Variants in KIF1B observed in about 807,000 individuals in gnomAD.
KIF1B encodes kinesin-like protein KIF1B.
KIF1B carries 76 observed loss-of-function variants against 241.9 expected under a neutral mutation model. The ratio of observed to expected loss-of-function variants is 0.31; its 90% CI spans 0.26 to 0.38. The LOEUF is 0.38. Ranked by LOEUF, KIF1B falls within the 10% of genes least tolerant of loss-of-function variation. The pLI is 1.00. For missense variants in KIF1B, 1,622 were observed against 2,271.4 expected (o/e 0.71, Z 5.81); for synonymous variants, 750 against 796.7 (o/e 0.94, Z 0.99).
At chr1:10,229,751 C>T (rs1419721415) in intron 1 of KIF1B, among the ~76,000 whole-genome samples, 1 of 150,848 alleles carries the variant, frequency 6.6e-6, no homozygotes, top group Non-Finnish European at 1.5e-5. Context: ...GCCCCAGCTA[C>T]TCAGGAGGCT....
chr1:10,277,281 TAAAA>T (rs561759889), intron 12 of KIF1B, among the ~76,000 whole-genome samples: 13 of 141,546 alleles, frequency 9.2e-5, no homozygotes, highest in Non-Finnish European at 1.9e-4. Context: ...CTCTGTCTCT[TAAAA>T]AAAAAAAAAG....
chr1:10,336,712 A>G lies in KIF1B; in HGVS notation c.3099A>G (p.Lys1033=), dbSNP rs1652194833. Residue 1033 remains lysine (K), a synonymous_variant, in exon 29 of 49, where the codon AAA becomes AAG. Transcript: ENST00000676179. The part of the protein sequence containing the change: ...GSGIRQSGTA[K]ISFDNEYFNQ... The stretch of plus-strand genomic sequence containing the variant: ...GAATTCGACAGTCAGGAACAGCTAA[A>G]ATATCTTTTGATAATGAATACTTTA... The G allele has an allele frequency of 1.2e-6, 2 of 1,614,012 alleles. No homozygotes were observed. Among genetic ancestry groups the G allele is most frequent in the African/African-American group, 1.3e-5 (1 of 75,030 alleles).
intron 2 of KIF1B, among the ~76,000 whole-genome samples, chr1:10,236,000 C>T (rs892028828): frequency 2.0e-5 from 3 of 151,810 alleles, no homozygotes; most frequent in East Asian, 1.9e-4. Context: ...GGGCCGGGCA[C>T]GGTGGCTCAA....
chr1:10,307,412 C>A, intron 22 of KIF1B: 1 of 505,358 alleles, frequency 2.0e-6, no homozygotes, highest in African/African-American at 2.1e-5. Context: ...TGGGTTCAAG[C>A]AATTCTCCTG....
chr1:10,282,151 AGAACTGCC>A (rs1649435667), intron 14 of KIF1B, among the ~76,000 whole-genome samples, 163 bp from the exon 15 acceptor site: 1 of 152,248 alleles, frequency 6.6e-6, no homozygotes, highest in Admixed American at 6.5e-5. Context: ...GACATGTTTT[AGAACTGCC>A]ATCTAGAACA....
chr1:10,350,161 C>T (rs187975207), intron 37 of KIF1B, among the ~76,000 whole-genome samples: 1 of 150,210 alleles, frequency 6.7e-6, no homozygotes, highest in African/African-American at 2.5e-5. Context: ...TGGTGGCGGG[C>T]GCCTGTAGTC....
chr1:10,307,205 A>C (rs1466003573), intron 22 of KIF1B: 2 of 1,028,264 alleles, frequency 1.9e-6, no homozygotes, highest in Non-Finnish European at 2.3e-6. Flanking sequence ...ATCCTAGAGA[A>C]TAACTCTGTA....
intron 5 of KIF1B, among the ~76,000 whole-genome samples, chr1:10,265,572 C>T (rs1189276255): frequency 1.8e-4 from 27 of 152,186 alleles, no homozygotes; most frequent in East Asian, 1.9e-4. Flanking sequence ...AGGCCAGGTG[C>T]GGTGGCTCAC....
intron 36 of KIF1B, 21 bp downstream of exon 36, chr1:10,347,848 C>A: frequency 6.3e-7 from 1 of 1,586,918 alleles, no homozygotes; most frequent in Non-Finnish European, 8.7e-7. Flanking sequence ...GGGACCAAAA[C>A]AGGCATCGGA....
intron 11 of KIF1B, 109 bp from the exon 12 acceptor site, chr1:10,276,212 C>T (rs1649097763): frequency 3.8e-6 from 3 of 787,746 alleles, no homozygotes; most frequent in African/African-American, 1.7e-5. Context: ...AGAAATTTGA[C>T]ATTACATTAA....
chr1:10,251,624 C>A (rs758076010), intron 2 of KIF1B, among the ~76,000 whole-genome samples: 1 of 151,562 alleles, frequency 6.6e-6, no homozygotes, highest in African/African-American at 2.4e-5. Context: ...ATCCTAGATA[C>A]GTGGCAGGCT....
chr1:10,215,154 ATATATATATATATATATATTTTTT>A (rs1169570619), intron 1 of KIF1B, among the ~76,000 whole-genome samples: 1 of 63,830 alleles, frequency 1.6e-5, no homozygotes, highest in African/African-American at 1.1e-4. Context: ...ATATATATAT[ATATATATATATATATATATTTTTT>A]TTTTTTTTTT....
chr1:10,220,684 C>T (rs1341145997), intron 1 of KIF1B, among the ~76,000 whole-genome samples: 8 of 151,964 alleles, frequency 5.3e-5, no homozygotes, highest in Non-Finnish European at 1.2e-4. Context: ...TTTTTTGAGA[C>T]AGAGTTTTGC....
chr1:10,344,666 A>C (rs773782963), intron 34 of KIF1B: 6 of 152,226 alleles, frequency 3.9e-5, no homozygotes, highest in Admixed American at 6.5e-5. Flanking sequence ...GACTAGCATC[A>C]CCAACTCATG....
chr1:10,286,826 C>A (rs1649738079), intron 15 of KIF1B, among the ~76,000 whole-genome samples: 1 of 151,950 alleles, frequency 6.6e-6, no homozygotes, highest in South Asian at 2.1e-4. Flanking sequence ...TCCTGGTGTC[C>A]CTCTGTTTTT....
chr1:10,223,941 GTTA>G (rs1646878658), intron 1 of KIF1B, among the ~76,000 whole-genome samples: 1 of 152,148 alleles, frequency 6.6e-6, no homozygotes. Context: ...AAGGATAGAT[GTTA>G]TTAGCACACA....
intron 5 of KIF1B, among the ~76,000 whole-genome samples, chr1:10,262,204 C>T (rs1156862224): frequency 6.6e-6 from 1 of 152,094 alleles, no homozygotes; most frequent in Non-Finnish European, 1.5e-5. Flanking sequence ...CCCTGGAGTG[C>T]AGTGGCGTGA....
chr1:10,358,030 T>A (rs1255548530), intron 38 of KIF1B, among the ~76,000 whole-genome samples: 1 of 148,014 alleles, frequency 6.8e-6, no homozygotes, highest in African/African-American at 2.5e-5. Flanking sequence ...ATAAATAAAA[T>A]ATATATTTTT....
intron 22 of KIF1B, chr1:10,304,866 C>G: frequency 1.4e-6 from 2 of 1,400,696 alleles, no homozygotes; most frequent in South Asian, 1.6e-5. Context: ...GATAAAGCAT[C>G]AAGAACTCCT....
Sources: allele counts gnomAD v4.1 joint callset (sites outside exome capture counted in the v4.1 genomes callset), GRCh38; gene constraint gnomAD v4.1.1; transcripts MANE v1.5; gene names NCBI Gene and HGNC (gene_info 2026-07-23, HGNC 2026-07-21).